PDE1C: variants seen among roughly 807,000 people sequenced by gnomAD.
PDE1C encodes phosphodiesterase 1C, also known as dual specificity calcium/calmodulin-dependent 3',5'-cyclic nucleotide phosphodiesterase 1C.
PDE1C carries 62 observed loss-of-function variants against 93.1 expected under a neutral mutation model. The observed-to-expected ratio is 0.67, with a 90% confidence interval of 0.54 to 0.82. The LOEUF (loss-of-function observed/expected upper bound fraction) is 0.82, where lower values mean the gene tolerates loss of function less well. PDE1C is among the 40% of genes least tolerant of loss of function. The pLI is 0.00. For missense variants in PDE1C, 742 were observed against 884.6 expected, an observed-to-expected ratio of 0.84 and a Z score of 2.04; for synonymous variants, 325 against 310.1, an observed-to-expected ratio of 1.05 and a Z score of -0.50.
chr7:32,420,124 T>TATATATATATATACACAC (rs1207972839), intron 1 of PDE1C, among the ~76,000 whole-genome samples: 3 of 13,096 alleles, frequency 2.3e-4, no homozygotes, highest in Non-Finnish European at 4.3e-4. Context: ...TATATATATA[T>TATATATATATATACACAC]ACACACACAC....
intron 16 of PDE1C, chr7:31,789,621 C>T: frequency 1.1e-6 from 1 of 940,070 alleles, no homozygotes; most frequent in South Asian, 5.0e-5. Context: ...TTTTAGAAAA[C>T]AAACAGAATT....
chr7:31,632,022 A>C, the PDE1C span, among the ~76,000 whole-genome samples: 1 of 152,212 alleles, frequency 6.6e-6, no homozygotes, highest in African/African-American at 2.4e-5. Flanking sequence ...GAAGGCTTCC[A>C]GTAGAAGGTT....
intron 3 of PDE1C, among the ~76,000 whole-genome samples, chr7:32,115,288 T>TA (rs1342263136): frequency 1.3e-5 from 2 of 151,992 alleles, no homozygotes; most frequent in Non-Finnish European, 2.9e-5. Context: ...TATGCAGCCA[T>TA]AAAAAAAGAA....
chr7:31,870,717 A>C (rs1195750782), intron 6 of PDE1C, among the ~76,000 whole-genome samples: 1 of 151,968 alleles, frequency 6.6e-6, no homozygotes, highest in Middle Eastern at 3.2e-3. Context: ...TATTCCAAAA[A>C]ATTGAGGGGC....
intron 3 of PDE1C, among the ~76,000 whole-genome samples, chr7:32,080,613 T>C (rs1173990901): frequency 3.3e-5 from 5 of 152,162 alleles, no homozygotes; most frequent in East Asian, 1.9e-4. Context: ...CCTTGCACCC[T>C]CCAGATAAGT....
chr7:32,200,965 A>G (rs1804967709), intron 2 of PDE1C, among the ~76,000 whole-genome samples: 1 of 152,256 alleles, frequency 6.6e-6, no homozygotes, highest in Admixed American at 6.5e-5. Flanking sequence ...TCCACCCTGC[A>G]TAGCCAAAGG....
chr7:31,853,223 C>T (rs3801345), intron 7 of PDE1C, among the ~76,000 whole-genome samples: 22,040 of 152,042 alleles, frequency 0.14, 2,233 homozygotes, highest in East Asian at 0.53. Flanking sequence ...TCAACAACAA[C>T]AACAATAAAA....
rs1245438776 is a variant in PDE1C, at chr7:31,879,347, C to T, written c.243-169G>A. 6.6e-6 allele frequency: 4 copies of T among 602,314 alleles called. No homozygotes were observed. The African/African-American group carries it at 7.4e-5, about 11-fold the overall frequency. The allele number at this position is 602,314 out of a possible 1,614,324, so 37.3% of individuals were successfully genotyped here. The stretch of plus-strand genomic sequence containing the variant: ...TTTTGGTAAGGCTTATGTAAGCTCG[C>T]CATGTGTGTTTCGCGATGGTCTTGG... On this transcript the variant is annotated intron_variant, in intron 3 of 17. Transcript: ENST00000396191.
chr7:32,327,405 C>T, intron 1 of PDE1C, among the ~76,000 whole-genome samples: 1 of 152,196 alleles, frequency 6.6e-6, no homozygotes, highest in East Asian at 1.9e-4. Context: ...CCCTCTCATG[C>T]CGCCTCCCAG....
At chr7:32,054,300 T>C (rs938852151) in intron 1 of PDE1C, among the ~76,000 whole-genome samples, 5 of 152,172 alleles carry the variant, frequency 3.3e-5, no homozygotes, top group African/African-American at 1.2e-4. Context: ...GCTCAAAACC[T>C]AACTTCACCC....
intron 1 of PDE1C, among the ~76,000 whole-genome samples, chr7:32,265,096 C>T (rs553507763): frequency 2.0e-4 from 30 of 152,318 alleles, no homozygotes; most frequent in Non-Finnish European, 4.0e-4. Flanking sequence ...ACAGAGTGGC[C>T]ACTCCAGAGA....
chr7:32,159,514 T>C (rs1238787647), intron 3 of PDE1C, among the ~76,000 whole-genome samples: 1 of 152,138 alleles, frequency 6.6e-6, no homozygotes, highest in Admixed American at 6.5e-5. Context: ...TCATGGAAAG[T>C]TGTAAGGGGT....
At chr7:32,287,154 G>A (rs1239670778) in intron 1 of PDE1C, among the ~76,000 whole-genome samples, 1 of 152,218 alleles carries the variant, frequency 6.6e-6, no homozygotes, top group Non-Finnish European at 1.5e-5. Flanking sequence ...CAGAGTGTGT[G>A]TTTATAAACA....
At chr7:32,270,654 C>T (rs758575072) in intron 1 of PDE1C, among the ~76,000 whole-genome samples, 3 of 152,106 alleles carry the variant, frequency 2.0e-5, no homozygotes, top group African/African-American at 7.2e-5. Context: ...GCGCCCCAAG[C>T]CTACGGACAG....
At chr7:32,233,286 A>G (rs28399034) in intron 1 of PDE1C, among the ~76,000 whole-genome samples, 23,047 of 152,184 alleles carry the variant, frequency 0.15, 2,176 homozygotes, top group African/African-American at 0.26. Flanking sequence ...CAACAAATAG[A>G]GTGGACAAAC....
At chr7:32,105,573 G>A (rs185144237) in intron 3 of PDE1C, among the ~76,000 whole-genome samples, 205 of 152,172 alleles carry the variant, frequency 1.3e-3, no homozygotes, top group African/African-American at 4.5e-3. Flanking sequence ...CCTCTTCCCC[G>A]TTAGCTCCCA....
intron 2 of PDE1C, among the ~76,000 whole-genome samples, chr7:31,934,676 G>A (rs1804787162): frequency 6.6e-6 from 1 of 152,062 alleles, no homozygotes; most frequent in African/African-American, 2.4e-5. Context: ...ACACTGTAAA[G>A]TTATCTGATT....
At chr7:31,797,505 C>T (rs957796237) in intron 16 of PDE1C, among the ~76,000 whole-genome samples, 2 of 151,690 alleles carry the variant, frequency 1.3e-5, no homozygotes, top group African/African-American at 4.8e-5. Flanking sequence ...TGATTCATTA[C>T]TAAAAACAGT....
the PDE1C span, among the ~76,000 whole-genome samples, chr7:31,663,679 T>A: frequency 6.6e-6 from 1 of 152,220 alleles, no homozygotes; most frequent in Non-Finnish European, 1.5e-5. Context: ...AAACATAGCA[T>A]GTATTTATGC....
Sources: gnomAD v4.1 joint callset for allele counts (sites outside exome capture counted in the v4.1 genomes callset) on GRCh38, gnomAD v4.1.1 for gene constraint, MANE v1.5 for transcripts, NCBI Gene and HGNC (gene_info 2026-07-23, HGNC 2026-07-21) for gene names.